The following GMEB1 variants were observed in gnomAD, a reference collection of about 807,000 sequenced individuals.
GMEB1 encodes glucocorticoid modulatory element-binding protein 1.
GMEB1 carries 6 observed loss-of-function variants against 52.4 expected under a neutral mutation model. That is an observed-to-expected ratio of 0.11 (90% CI 0.06 to 0.23). The LOEUF (loss-of-function observed/expected upper bound fraction) is 0.23, where lower values mean the gene tolerates loss of function less well. GMEB1 is among the 10% of genes least tolerant of loss of function. The pLI, the probability that GMEB1 is intolerant of heterozygous loss-of-function variation, is 1.00. For missense variants in GMEB1, 486 were observed against 685.6 expected (o/e 0.71, Z 3.25); for synonymous variants, 255 against 244.9 (o/e 1.04, Z -0.38).
At chr1:28,683,888 C>T (rs547166236) in intron 2 of GMEB1, 148 bp downstream of exon 2, 30 of 659,758 alleles carry the variant, frequency 4.5e-5, no homozygotes, top group South Asian at 3.8e-4. Flanking sequence ...TACTGTATTG[C>T]GTGCTGTATT....
At chr1:28,677,637 G>A (rs1669218567) in intron 1 of GMEB1, among the ~76,000 whole-genome samples, 1 of 152,260 alleles carries the variant, frequency 6.6e-6, no homozygotes, top group South Asian at 2.1e-4. Flanking sequence ...CTCAATAAAG[G>A]TTAGCTGATT....
chr1:28,685,678 C>T (rs967570899), intron 2 of GMEB1, among the ~76,000 whole-genome samples: 6 of 152,064 alleles, frequency 3.9e-5, no homozygotes, highest in South Asian at 2.1e-4. Flanking sequence ...ATCTTGTTTA[C>T]GGCCAGTCAT....
chr1:28,690,201 G>GTTTTT lies in GMEB1; in HGVS notation c.211+16_211+17insTTTTT. On this transcript the variant is annotated intron_variant, in intron 3 of 9. Coordinates refer to ENST00000373816, the MANE Select transcript of GMEB1 (RefSeq NM_001319674.2). ...AGAAGGGATTGGTAAGGGTTTTTTT[G>GTTTTT]TGTTTTTTTTTTTTTTTTTTTTTGT... 2 of 582,832 alleles carry GTTTTT rather than the reference G, an allele frequency of 3.4e-6. No homozygotes were observed. The highest frequency in any genetic ancestry group is 3.2e-5 in the African/African-American group (1 of 31,450). The allele number at this position is 582,832 out of a possible 1,614,324, so 36.1% of individuals were successfully genotyped here. A position where few individuals can be genotyped will look rare whatever the true frequency, so the allele number is the denominator to read the frequency against.
intron 9 of GMEB1, among the ~76,000 whole-genome samples, chr1:28,713,571 T>A (rs540953427): frequency 1.3e-5 from 2 of 151,390 alleles, no homozygotes; most frequent in South Asian, 4.1e-4. Context: ...TTTAGGGACT[T>A]CTTCTATAAC....
intron 1 of GMEB1, 128 bp from the exon 2 acceptor site, chr1:28,683,455 C>G: frequency 1.5e-6 from 1 of 674,140 alleles, no homozygotes. Flanking sequence ...GAACTCCCAA[C>G]CTCAGGCGAT....
intron 5 of GMEB1, among the ~76,000 whole-genome samples, chr1:28,695,291 G>T (rs1173620698): frequency 6.6e-6 from 1 of 151,714 alleles, no homozygotes. Context: ...AGAGTGTAAT[G>T]GCGTGATCTC....
At chr1:28,713,717 A>G (rs1370311031) in intron 9 of GMEB1, among the ~76,000 whole-genome samples, 1 of 152,174 alleles carries the variant, frequency 6.6e-6, no homozygotes, top group African/African-American at 2.4e-5. Context: ...TGGAGTGGCC[A>G]TTGTAGCTCC....
At chr1:28,674,431 C>T (rs894959005) in intron 1 of GMEB1, among the ~76,000 whole-genome samples, 1 of 151,868 alleles carries the variant, frequency 6.6e-6, no homozygotes. Flanking sequence ...ACGGAGTCTC[C>T]CTCTGTTCCC....
At chr1:28,695,981 G>A (rs1231603627) in intron 5 of GMEB1, among the ~76,000 whole-genome samples, 7 of 138,648 alleles carry the variant, frequency 5.0e-5, no homozygotes, top group African/African-American at 1.6e-4. Context: ...AAAATTTTCA[G>A]ATGATTTGTA....
rs1367171506 is a variant in GMEB1, at chr1:28,716,606, G to A, written c.*1833G>A. 6.6e-6 allele frequency: 1 copy of A among 152,108 alleles called. No homozygotes were observed. The highest frequency in any genetic ancestry group is 6.6e-5 in the Admixed American group (1 of 15,240). 9.4% of individuals were successfully genotyped at this position (152,108 alleles called of 1,614,324 possible). On this transcript the variant is annotated 3_prime_UTR_variant, in exon 10 of 10. Transcript: ENST00000373816. ...CATAAAAAGCTTTAGGCTTGGCAGA[G>A]AGGACTCAACACCCCCAGGCTTTCC...
intron 5 of GMEB1, among the ~76,000 whole-genome samples, chr1:28,694,644 C>T (rs928782003): frequency 2.0e-5 from 3 of 151,732 alleles, no homozygotes; most frequent in Non-Finnish European, 1.5e-5. Flanking sequence ...GTGTGGCCAG[C>T]TGAAAATGCT....
intron 2 of GMEB1, among the ~76,000 whole-genome samples, chr1:28,687,882 C>G (rs1669760689): frequency 6.6e-6 from 1 of 151,410 alleles, no homozygotes; most frequent in Non-Finnish European, 1.5e-5. Flanking sequence ...GTGCTATTAA[C>G]AAGGATGGAG....
intron 2 of GMEB1, among the ~76,000 whole-genome samples, chr1:28,688,332 G>A (rs6703309): frequency 0.94 from 142,872 of 152,296 alleles, 67,120 homozygotes; most frequent in East Asian, 1. Context: ...GCAGTTGGCT[G>A]TGTTTGAATG....
chr1:28,697,628 A>G (rs1207215403), intron 6 of GMEB1, among the ~76,000 whole-genome samples: 1 of 152,186 alleles, frequency 6.6e-6, no homozygotes, highest in Non-Finnish European at 1.5e-5. Flanking sequence ...AATGATTCCT[A>G]TTGGTCAGAC....
chr1:28,696,865 G>A (rs1670232523), intron 5 of GMEB1, 62 bp from the exon 6 acceptor site: 1 of 1,284,726 alleles, frequency 7.8e-7, no homozygotes, highest in Admixed American at 1.9e-5. Context: ...TTTTCCCTGA[G>A]GCCTAGTTCC....
At position 28,715,030 on chromosome 1, in the gene GMEB1, A is replaced by G; in HGVS notation, c.*257A>G. 2.4e-6 allele frequency: 1 copy of G among 419,282 alleles called. No individual in the cohort carries two copies. Among genetic ancestry groups the G allele is most frequent in the Admixed American group, 3.9e-5 (1 of 25,930 alleles). 26.0% of individuals were successfully genotyped at this position (419,282 alleles called of 1,614,324 possible). A position where few individuals can be genotyped will look rare whatever the true frequency, so the allele number is the denominator to read the frequency against. On this transcript the variant is annotated 3_prime_UTR_variant, in exon 10 of 10. Transcript: ENST00000373816. The stretch of plus-strand genomic sequence containing the variant: ...TTACACCAAGAAAGTAATTTCTTTT[A>G]GGGGAAGTGTCAAGATAACAAGTAA...
chr1:28,683,463 G>C, intron 1 of GMEB1, 120 bp from the exon 2 acceptor site: 1 of 727,198 alleles, frequency 1.4e-6, no homozygotes, highest in Non-Finnish European at 2.2e-6. Context: ...AACCTCAGGC[G>C]ATCCGCCTGC....
At chr1:28,677,703 A>C (rs1669221006) in intron 1 of GMEB1, among the ~76,000 whole-genome samples, 1 of 152,144 alleles carries the variant, frequency 6.6e-6, no homozygotes. Context: ...TTATGGGTTC[A>C]GTTATTCTAG....
chr1:28,681,102 A>G (rs1053797337), intron 1 of GMEB1, among the ~76,000 whole-genome samples: 2 of 152,178 alleles, frequency 1.3e-5, no homozygotes, highest in Non-Finnish European at 2.9e-5. Flanking sequence ...CAGACTGAGG[A>G]GGAAAAGCCA....
Sources: gnomAD v4.1 joint callset for allele counts (sites outside exome capture counted in the v4.1 genomes callset) on GRCh38, gnomAD v4.1.1 for gene constraint, MANE v1.5 for transcripts, NCBI Gene and HGNC (gene_info 2026-07-23, HGNC 2026-07-21) for gene names.